The following KLF12 variants were observed in gnomAD, a reference collection of about 807,000 sequenced individuals.
KLF12 encodes KLF transcription factor 12.
In KLF12, 9 loss-of-function variants were observed where a neutral mutation model predicts 37.8. The ratio of observed to expected loss-of-function variants is 0.24; its 90% CI spans 0.14 to 0.42. The LOEUF is 0.42. Among genes scored for constraint, KLF12 ranks in the 10% least tolerant of loss-of-function variants. The pLI, the probability that KLF12 is intolerant of heterozygous loss-of-function variation, is 1.00. For missense variants in KLF12, 411 were observed against 516.0 expected (o/e 0.80, Z 1.97); for synonymous variants, 208 against 202.1 (o/e 1.03, Z -0.25).
intron 5 of KLF12, among the ~76,000 whole-genome samples, chr13:73,767,745 T>C (rs1594067926): frequency 6.6e-6 from 1 of 152,202 alleles, no homozygotes; most frequent in African/African-American, 2.4e-5. Flanking sequence ...ATATGAGAAC[T>C]TTTTAGATGA....
chr13:73,889,845 T>C (rs1279080961), intron 3 of KLF12, among the ~76,000 whole-genome samples: 4 of 152,094 alleles, frequency 2.6e-5, no homozygotes, highest in Non-Finnish European at 4.4e-5. Flanking sequence ...GAACTAAATA[T>C]AACCATGCTT....
chr13:73,866,724 C>T (rs1566426638), intron 3 of KLF12, among the ~76,000 whole-genome samples: 1 of 151,964 alleles, frequency 6.6e-6, no homozygotes, highest in African/African-American at 2.4e-5. Context: ...CAAGGAAAAT[C>T]ATCCCTAATA....
chr13:73,844,257 T>G (rs1884901476), intron 4 of KLF12, among the ~76,000 whole-genome samples: 1 of 152,222 alleles, frequency 6.6e-6, no homozygotes, highest in South Asian at 2.1e-4. Flanking sequence ...ATTTCTAAAT[T>G]GTAAAAGAAA....
At chr13:73,744,904 G>A (rs1878256924) in intron 6 of KLF12, among the ~76,000 whole-genome samples, 1 of 152,154 alleles carries the variant, frequency 6.6e-6, no homozygotes, top group Non-Finnish European at 1.5e-5. Context: ...TGTCAGAAAA[G>A]AACTCAACAT....
Position 73,691,980 on chromosome 13 carries a change from T to C in KLF12, c.*3510A>G, listed in dbSNP as rs1356646995. The C allele has an allele frequency of 2.0e-5, 3 of 152,666 alleles. No individual in the cohort carries two copies. Among genetic ancestry groups the C allele is most frequent in the Non-Finnish European group, 4.4e-5 (3 of 68,036 alleles). 9.5% of individuals were successfully genotyped at this position (152,666 alleles called of 1,614,324 possible). A position where few individuals can be genotyped will look rare whatever the true frequency, so the allele number is the denominator to read the frequency against. ...TTGTAAGTTTTTCCCCTGACAATCA[T>C]CTTCCTTTTTCCCACTTAAGCTTTC... is the stretch of plus-strand genomic sequence containing the variant. On this transcript the variant is annotated 3_prime_UTR_variant, in exon 8 of 8. Transcript: ENST00000377669.
At chr13:73,952,196 T>G (rs1025807543) in intron 2 of KLF12, among the ~76,000 whole-genome samples, 3 of 152,192 alleles carry the variant, frequency 2.0e-5, no homozygotes, top group Admixed American at 2.0e-4. Context: ...AGTCCCTTCT[T>G]GCATTGCTCT....
At chr13:74,138,966 A>G in the KLF12 span, among the ~76,000 whole-genome samples, 3 of 152,112 alleles carry the variant, frequency 2.0e-5, no homozygotes, top group Non-Finnish European at 4.4e-5. Context: ...TACCCCACAT[A>G]CATGTATACA....
chr13:74,040,281 CACAG>C (rs745702344), intron 1 of KLF12, among the ~76,000 whole-genome samples: 3 of 152,138 alleles, frequency 2.0e-5, no homozygotes, highest in Admixed American at 6.5e-5. Flanking sequence ...ATTCAACAGT[CACAG>C]ACAGACAGGA....
chr13:74,179,447 T>G, the KLF12 span, among the ~76,000 whole-genome samples: 2 of 152,218 alleles, frequency 1.3e-5, no homozygotes, highest in African/African-American at 4.8e-5. Flanking sequence ...CAGTGTTACA[T>G]CTTGCCATCC....
chr13:74,082,175 A>AAAAAAAAAAAC (rs1874949864), intron 1 of KLF12, among the ~76,000 whole-genome samples: 1 of 151,024 alleles, frequency 6.6e-6, no homozygotes, highest in Admixed American at 6.6e-5. Flanking sequence ...AAAAAAAAAA[A>AAAAAAAAAAAC]AAACAAAGTT....
chr13:74,153,209 C>T, the KLF12 span, among the ~76,000 whole-genome samples: 1 of 152,010 alleles, frequency 6.6e-6, no homozygotes, highest in Non-Finnish European at 1.5e-5. Flanking sequence ...TTTTTGTATT[C>T]CCCATTCAAG....
chr13:73,994,989 C>T lies in KLF12; in HGVS notation c.33+1G>A, dbSNP rs1892067753. 5.0e-6 allele frequency: 8 copies of T among 1,592,238 alleles called. No individual in the cohort carries two copies. Among genetic ancestry groups the T allele is most frequent in the Non-Finnish European group, 6.9e-6 (8 of 1,161,218 alleles). On this transcript the variant is annotated splice_donor_variant, in intron 2 of 7. Transcript: ENST00000377669. LOFTEE classifies it high-confidence loss of function. ...GCAATTTTAACATCTGACTAACCAA[C>T]CTTTATTGTTTTTCTCTTCATATGG...
At chr13:74,209,522 TCACA>T in the KLF12 span, among the ~76,000 whole-genome samples, 2,396 of 145,434 alleles carry the variant, frequency 0.016, 27 homozygotes, top group African/African-American at 0.027. Context: ...AACATCTTAG[TCACA>T]CACACACACA....
intron 1 of KLF12, among the ~76,000 whole-genome samples, chr13:74,033,265 A>G (rs1157899300): frequency 6.6e-6 from 1 of 152,246 alleles, no homozygotes; most frequent in African/African-American, 2.4e-5. Context: ...TACAACTAAC[A>G]GGATACATTG....
intron 3 of KLF12, among the ~76,000 whole-genome samples, chr13:73,894,640 T>C (rs184216496): frequency 6.6e-6 from 1 of 152,338 alleles, no homozygotes; most frequent in African/African-American, 2.4e-5. Context: ...TAATAAAATG[T>C]TCATTTCATT....
intron 1 of KLF12, among the ~76,000 whole-genome samples, chr13:74,038,564 C>T (rs1485366966): frequency 6.6e-6 from 1 of 152,166 alleles, no homozygotes; most frequent in African/African-American, 2.4e-5. Flanking sequence ...TATAGTCCAG[C>T]TCCACATTAA....
chr13:73,818,930 C>T (rs1418142594), intron 4 of KLF12, among the ~76,000 whole-genome samples: 2 of 152,196 alleles, frequency 1.3e-5, no homozygotes, highest in African/African-American at 2.4e-5. Context: ...GTTAGAGAAA[C>T]CCCGGCTTCC....
the KLF12 span, among the ~76,000 whole-genome samples, chr13:74,246,660 C>T: frequency 1.3e-5 from 2 of 152,176 alleles, no homozygotes; most frequent in African/African-American, 4.8e-5. Context: ...CCAGAAACAC[C>T]GGACAGATGG....
intron 1 of KLF12, among the ~76,000 whole-genome samples, chr13:74,095,483 G>A (rs1285028958): frequency 6.6e-6 from 1 of 151,784 alleles, no homozygotes; most frequent in Non-Finnish European, 1.5e-5. Flanking sequence ...CAAACTCCTG[G>A]GCTCAAGCGA....
Sources: gnomAD v4.1 joint callset for allele counts (sites outside exome capture counted in the v4.1 genomes callset) on GRCh38, gnomAD v4.1.1 for gene constraint, MANE v1.5 for transcripts, NCBI Gene and HGNC (gene_info 2026-07-23, HGNC 2026-07-21) for gene names.